EYA2: variants seen among roughly 807,000 people sequenced by gnomAD.
EYA2 encodes the protein protein phosphatase EYA2.
Under a neutral mutation model 69.2 loss-of-function variants are expected in EYA2, and 31 were observed. The ratio of observed to expected loss-of-function variants is 0.45; its 90% CI spans 0.34 to 0.60. The LOEUF (loss-of-function observed/expected upper bound fraction) is 0.60. Ranked by LOEUF, EYA2 falls within the 20% of genes least tolerant of loss-of-function variation. EYA2 has a pLI of 0.02. For synonymous variants in EYA2, 257 were observed against 279.4 expected, an observed-to-expected ratio of 0.92 and a Z score of 0.80; for missense variants, 622 against 701.2, an observed-to-expected ratio of 0.89 and a Z score of 1.28.
chr20:46,940,218 A>G (rs1304826796), intron 1 of EYA2, among the ~76,000 whole-genome samples: 1 of 152,218 alleles, frequency 6.6e-6, no homozygotes, highest in Non-Finnish European at 1.5e-5. Flanking sequence ...CAAGTCAATA[A>G]TAAGAACAGC....
intron 1 of EYA2, among the ~76,000 whole-genome samples, chr20:46,906,984 C>G (rs1433145243): frequency 2.0e-5 from 3 of 152,174 alleles, no homozygotes; most frequent in Non-Finnish European, 4.4e-5. Flanking sequence ...ACTACAGAAG[C>G]CAGTCTCTCC....
intron 1 of EYA2, among the ~76,000 whole-genome samples, chr20:46,936,183 C>G (rs1242061401): frequency 6.6e-6 from 1 of 152,134 alleles, no homozygotes; most frequent in Non-Finnish European, 1.5e-5. Flanking sequence ...TAAAAAAAGC[C>G]TTATTAGGCC....
At chr20:47,026,806 A>T (rs2146390117) in intron 5 of EYA2, among the ~76,000 whole-genome samples, 1 of 152,322 alleles carries the variant, frequency 6.6e-6, no homozygotes, top group Non-Finnish European at 1.5e-5. Flanking sequence ...GCTTCAGCCC[A>T]TTGCTGCCCC....
intron 7 of EYA2, among the ~76,000 whole-genome samples, chr20:47,077,975 C>T (rs2031575651): frequency 6.6e-6 from 1 of 152,118 alleles, no homozygotes; most frequent in Admixed American, 6.5e-5. Context: ...GAGTAGATGC[C>T]ACTATCCGTC....
chr20:46,980,157 C>T (rs1980737786), intron 1 of EYA2, among the ~76,000 whole-genome samples: 1 of 152,198 alleles, frequency 6.6e-6, no homozygotes, highest in Non-Finnish European at 1.5e-5. Flanking sequence ...AGAATCCTGA[C>T]TCTACCACTG....
intron 9 of EYA2, among the ~76,000 whole-genome samples, chr20:47,110,961 A>G (rs1473264926): frequency 1.3e-5 from 2 of 152,210 alleles, no homozygotes; most frequent in Non-Finnish European, 2.9e-5. Context: ...GTTTTCAGAC[A>G]TTGCATCCAT....
chr20:47,081,922 C>G (rs1011884005), intron 7 of EYA2, among the ~76,000 whole-genome samples: 2 of 151,874 alleles, frequency 1.3e-5, no homozygotes, highest in African/African-American at 4.8e-5. Flanking sequence ...TCACTGCAAC[C>G]TCTGCCTCCC....
chr20:47,049,222 C>T (rs1379127789), intron 5 of EYA2, among the ~76,000 whole-genome samples: 2 of 152,182 alleles, frequency 1.3e-5, no homozygotes, highest in African/African-American at 4.8e-5. Flanking sequence ...CTCCCGCTTT[C>T]CCTAATGTGA....
rs1457234315 is a variant in EYA2, at chr20:46,980,685, T to C, written c.-10-9316T>C. The stretch of plus-strand genomic sequence containing the variant: ...CTATTGTTAATTATAGTCACCGTAC[T>C]GTTCTATTGAACACTAGCTCTTATT... On this transcript the variant is annotated intron_variant, in intron 1 of 15. Coordinates refer to ENST00000327619, the MANE Select transcript of EYA2 (RefSeq NM_005244.5). 2.0e-5 allele frequency among the ~76,000 whole-genome samples: 3 copies of C among 152,256 alleles called. No homozygotes were observed. In the East Asian group the frequency reaches 5.8e-4, roughly 29 times the overall value.
intron 5 of EYA2, among the ~76,000 whole-genome samples, chr20:47,021,645 G>T (rs1397750909): frequency 7.7e-6 from 1 of 129,712 alleles, no homozygotes; most frequent in African/African-American, 2.8e-5. Context: ...AAAAAAAAAA[G>T]GCAAGAAAAC....
intron 1 of EYA2, among the ~76,000 whole-genome samples, chr20:46,902,404 A>G (rs1488404973): frequency 2.6e-5 from 4 of 152,200 alleles, no homozygotes; most frequent in African/African-American, 9.6e-5. Context: ...TTTGTCTCCA[A>G]ATGGCAGTAG....
chr20:47,044,957 TGTG>T (rs2029955338), intron 5 of EYA2, among the ~76,000 whole-genome samples: 1 of 152,074 alleles, frequency 6.6e-6, no homozygotes, highest in African/African-American at 2.4e-5. Flanking sequence ...TCATTGCAAT[TGTG>T]GTAATTGCTA....
At chr20:46,943,427 A>T (rs1986237696) in intron 1 of EYA2, among the ~76,000 whole-genome samples, 1 of 149,338 alleles carries the variant, frequency 6.7e-6, no homozygotes, top group African/African-American at 2.5e-5. Context: ...TTCTCCTGGC[A>T]TGGAGAAAAT....
intron 1 of EYA2, among the ~76,000 whole-genome samples, chr20:46,923,696 G>A (rs6122539): frequency 0.14 from 20,654 of 151,604 alleles, 2,057 homozygotes; most frequent in East Asian, 0.48. Context: ...TGTGCTGGGT[G>A]TGTGTGTGTG....
intron 4 of EYA2, among the ~76,000 whole-genome samples, chr20:47,013,841 A>G (rs1443004565): frequency 6.6e-6 from 1 of 152,230 alleles, no homozygotes; most frequent in African/African-American, 2.4e-5. Flanking sequence ...AAGGTGCTGT[A>G]TAAATATTGC....
At chr20:47,018,832 CAAT>C (rs1983573610) in intron 5 of EYA2, among the ~76,000 whole-genome samples, 1 of 152,194 alleles carries the variant, frequency 6.6e-6, no homozygotes, top group Non-Finnish European at 1.5e-5. Context: ...ACCGCAGAGC[CAAT>C]AAGTGTTCAG....
At chr20:46,959,753 G>A (rs141164523) in intron 1 of EYA2, among the ~76,000 whole-genome samples, 6 of 152,258 alleles carry the variant, frequency 3.9e-5, no homozygotes, top group East Asian at 3.9e-4. Flanking sequence ...CAACCCCCAC[G>A]TCGTTGTCCT....
chr20:46,896,255 G>T (rs1383627434), intron 1 of EYA2, among the ~76,000 whole-genome samples: 2 of 152,124 alleles, frequency 1.3e-5, no homozygotes, highest in Non-Finnish European at 2.9e-5. Context: ...GTGGACAATT[G>T]TATTTCAAAC....
chr20:47,034,054 T>C (rs1984562543), intron 5 of EYA2, among the ~76,000 whole-genome samples: 1 of 152,242 alleles, frequency 6.6e-6, no homozygotes, highest in Non-Finnish European at 1.5e-5. Context: ...AGTCTCTATT[T>C]GATGCTGATA....
Sources: gnomAD v4.1 joint callset for allele counts (sites outside exome capture counted in the v4.1 genomes callset) on GRCh38, gnomAD v4.1.1 for gene constraint, MANE v1.5 for transcripts, NCBI Gene and HGNC (gene_info 2026-07-23, HGNC 2026-07-21) for gene names.